The following OTUB2 variants were observed in gnomAD, a reference collection of about 807,000 sequenced individuals.
The protein encoded by OTUB2 is ubiquitin thioesterase OTUB2.
Under a neutral mutation model 25.1 loss-of-function variants are expected in OTUB2, and 21 were observed. The ratio of observed to expected loss-of-function variants is 0.84; its 90% CI spans 0.59 to 1.21. The LOEUF (loss-of-function observed/expected upper bound fraction) is 1.21. OTUB2 is among the 50% of genes most tolerant of loss of function. OTUB2 has a pLI of 0.00. For missense variants in OTUB2, 283 were observed against 298.0 expected (o/e 0.95, Z 0.37); for synonymous variants, 122 against 122.8 (o/e 0.99, Z 0.04).
intron 1 of OTUB2, among the ~76,000 whole-genome samples, chr14:94,035,670 G>A (rs1885042707): frequency 6.6e-6 from 1 of 152,118 alleles, no homozygotes; most frequent in Non-Finnish European, 1.5e-5. Context: ...CCCATGTCGG[G>A]GGGAGATCAT....
chr14:94,047,416 C>T lies in OTUB2; in HGVS notation c.*1494C>T, dbSNP rs1390813428. ...GGGGATTTTAGTTCCAAGCAGGGAC[C>T]CTGGTTTCCATACTGCCCTCAGCTG... On this transcript the variant is annotated 3_prime_UTR_variant, in exon 6 of 6. Coordinates refer to ENST00000203664, the MANE Select transcript of OTUB2 (RefSeq NM_023112.4). 6.6e-6 allele frequency: 1 copy of T among 152,172 alleles called. No individual in the cohort carries two copies. The highest frequency in any genetic ancestry group is 2.4e-5 in the African/African-American group (1 of 41,412). 9.4% of individuals were successfully genotyped at this position (152,172 alleles called of 1,614,324 possible).
rs1408906494 is a variant in OTUB2, at chr14:94,045,961, G to A, written c.*39G>A. The A allele has an allele frequency of 2.5e-6, 4 of 1,588,832 alleles. No homozygotes were observed. Among genetic ancestry groups the A allele is most frequent in the African/African-American group, 1.3e-5 (1 of 74,430 alleles). ...ATGCAGTGGAACCTGTCACCTAATG[G>A]GACTGCATTCTGAATGGAACATTCC... On this transcript the variant is annotated 3_prime_UTR_variant, in exon 6 of 6. Transcript: ENST00000203664.
At position 94,038,745 on chromosome 14, in the gene OTUB2, C is replaced by T. The variant is rs370506254; in HGVS notation, c.100-218C>T. 3.7e-4 allele frequency among the ~76,000 whole-genome samples: 56 copies of T among 152,330 alleles called. 1 individual carries two copies. Among genetic ancestry groups the T allele is most frequent in the African/African-American group, 1.3e-3 (52 of 41,570 alleles). ...TAATTATCCATCTTCCCTCCCGGAC[C>T]GTAGGCTGCCTGGGGGCAGGGACGG... On this transcript the variant is annotated intron_variant, in intron 2 of 5. Transcript: ENST00000203664.
intron 1 of OTUB2, among the ~76,000 whole-genome samples, chr14:94,032,465 T>C (rs1213376073): frequency 6.6e-6 from 1 of 151,826 alleles, no homozygotes; most frequent in Non-Finnish European, 1.5e-5. Flanking sequence ...GACAGAAAAG[T>C]AGAAAGGTGG....
chr14:94,044,363 G>A (rs1296977949), intron 4 of OTUB2, among the ~76,000 whole-genome samples: 1 of 152,178 alleles, frequency 6.6e-6, no homozygotes, highest in Non-Finnish European at 1.5e-5. Context: ...CCCAACTGCC[G>A]CTCCCAAACA....
intron 3 of OTUB2, among the ~76,000 whole-genome samples, chr14:94,043,133 T>G (rs1045126843): frequency 1.3e-5 from 2 of 152,214 alleles, no homozygotes; most frequent in Admixed American, 6.5e-5. Flanking sequence ...CCTGTCCTCC[T>G]ACAAGGCACC....
chr14:94,037,284 T>C (rs1440736837), intron 1 of OTUB2, 96 bp from the exon 2 acceptor site: 3 of 757,388 alleles, frequency 4.0e-6, no homozygotes, highest in Middle Eastern at 2.5e-4. Flanking sequence ...TCATTCATTG[T>C]TGTCTGTAAC....
At chr14:94,044,150 G>A in intron 4 of OTUB2, 95 bp downstream of exon 4, 1 of 1,257,198 alleles carries the variant, frequency 8.0e-7, no homozygotes, top group Non-Finnish European at 1.2e-6. Context: ...TGCTCCTCCT[G>A]GCTGGGGAAG....
chr14:94,029,263 T>C (rs1197507957), intron 1 of OTUB2, among the ~76,000 whole-genome samples: 1 of 152,148 alleles, frequency 6.6e-6, no homozygotes, highest in African/African-American at 2.4e-5. Context: ...CATGCATCTG[T>C]CTATTCATTC....
At chr14:94,027,063 G>C (rs1163741380) in intron 1 of OTUB2, among the ~76,000 whole-genome samples, 1 of 152,240 alleles carries the variant, frequency 6.6e-6, no homozygotes, top group East Asian at 1.9e-4. Flanking sequence ...TTGGAGTCAG[G>C]ACCCACCTAG....
intron 1 of OTUB2, 130 bp downstream of exon 1, chr14:94,026,670 C>T: frequency 1.0e-6 from 1 of 982,704 alleles, no homozygotes. Flanking sequence ...GCCCCCGCCG[C>T]TTTCCGACCC....
chr14:94,030,080 C>T (rs1193447798), intron 1 of OTUB2, among the ~76,000 whole-genome samples: 1 of 152,118 alleles, frequency 6.6e-6, no homozygotes, highest in African/African-American at 2.4e-5. Context: ...TGAGTCTTGG[C>T]CTAAGTGAGG....
intron 3 of OTUB2, among the ~76,000 whole-genome samples, chr14:94,043,427 A>ATACCCCCTGGTG (rs1181353825): frequency 6.6e-6 from 1 of 152,124 alleles, no homozygotes; most frequent in Non-Finnish European, 1.5e-5. Context: ...GTTTCTTGCC[A>ATACCCCCTGGTG]TACCCCCTGA....
At position 94,035,197 on chromosome 14, in the gene OTUB2, C is replaced by T. The variant is rs548339874; in HGVS notation, c.4-2183C>T. 2.5e-3 allele frequency among the ~76,000 whole-genome samples: 376 copies of T among 152,008 alleles called. 2 individuals carry two copies. Among genetic ancestry groups the T allele is most frequent in the African/African-American group, 8.2e-3 (341 of 41,444 alleles). On this transcript the variant is annotated intron_variant, in intron 1 of 5. Coordinates refer to ENST00000203664, the MANE Select transcript of OTUB2 (RefSeq NM_023112.4). ...CTTCTGGAAGCAAAATCCAGAATCCCTTCTTCCCACCCCCCAAGTGTTTGC... is the reference window on the plus strand; with the variant it reads ...CTTCTGGAAGCAAAATCCAGAATCCTTTCTTCCCACCCCCCAAGTGTTTGC...
chr14:94,032,261 AGC>A (rs567494299), intron 1 of OTUB2, among the ~76,000 whole-genome samples: 4 of 152,222 alleles, frequency 2.6e-5, no homozygotes, highest in Non-Finnish European at 5.9e-5. Flanking sequence ...AGATGGAGGT[AGC>A]CCACCTGCGA....
Position 94,047,164 on chromosome 14 carries a change from G to A in OTUB2, c.*1242G>A, listed in dbSNP as rs1002938803. 1.3e-5 allele frequency: 2 copies of A among 152,196 alleles called. No individual in the cohort carries two copies. Among genetic ancestry groups the A allele is most frequent in the Non-Finnish European group, 2.9e-5 (2 of 68,036 alleles). The allele number at this position is 152,196 out of a possible 1,614,324, so 9.4% of individuals were successfully genotyped here. A position where few individuals can be genotyped will look rare whatever the true frequency, so the allele number is the denominator to read the frequency against. On this transcript the variant is annotated 3_prime_UTR_variant, in exon 6 of 6. Transcript: ENST00000203664. Reference sequence around the variant, plus strand: ...TCTATAAGAGGAAATGGAAAATGCAGGGTGTGGAATTGCCCTTTGGGGTCC... The same window carrying A: ...TCTATAAGAGGAAATGGAAAATGCAAGGTGTGGAATTGCCCTTTGGGGTCC...
Position 94,026,534 on chromosome 14 carries a change from C to G in OTUB2, c.-4C>G. 5.5e-6 allele frequency: 7 copies of G among 1,263,666 alleles called. No homozygotes were observed. Among genetic ancestry groups the G allele is most frequent in the Middle Eastern group, 6.1e-4 (2 of 3,276 alleles). 78.3% of individuals were successfully genotyped at this position (1,263,666 alleles called of 1,614,324 possible). On this transcript the variant is annotated 5_prime_UTR_variant, in exon 1 of 6. Coordinates refer to ENST00000203664, the MANE Select transcript of OTUB2 (RefSeq NM_023112.4). ...CGGGACCTGGCCTGGCGGCTCTGGT[C>G]ACTATGGTCAGTGATCGTGGGGGAT...
At chr14:94,032,774 G>T (rs991893237) in intron 1 of OTUB2, among the ~76,000 whole-genome samples, 1 of 152,172 alleles carries the variant, frequency 6.6e-6, no homozygotes, top group East Asian at 1.9e-4. Flanking sequence ...GGGGCATGGG[G>T]GCATGGAGGA....
chr14:94,044,814 C>G (rs1001427009), intron 5 of OTUB2, 34 bp downstream of exon 5: 4 of 1,581,412 alleles, frequency 2.5e-6, no homozygotes, highest in African/African-American at 1.3e-5. Context: ...CAGCCCTGGG[C>G]TCTGCTCCTG....
Sources: allele counts gnomAD v4.1 joint callset (sites outside exome capture counted in the v4.1 genomes callset), GRCh38; gene constraint gnomAD v4.1.1; transcripts MANE v1.5; gene names NCBI Gene and HGNC (gene_info 2026-07-23, HGNC 2026-07-21).